CRYBB1: variants seen among roughly 807,000 people sequenced by gnomAD.
CRYBB1 encodes beta-crystallin B1.
Under a neutral mutation model 29.5 loss-of-function variants are expected in CRYBB1, and 16 were observed. The observed-to-expected ratio is 0.54, with a 90% CI of 0.37 to 0.82. CRYBB1 has a LOEUF of 0.82. CRYBB1 is among the 40% of genes least tolerant of loss of function. The pLI is 0.00. For synonymous variants in CRYBB1, 127 were observed against 136.7 expected (o/e 0.93, Z 0.49); for missense variants, 300 against 350.5 (o/e 0.86, Z 1.15).
At chr22:26,617,033 A>G (rs540753303) in intron 1 of CRYBB1, among the ~76,000 whole-genome samples, 117 of 152,342 alleles carry the variant, frequency 7.7e-4, no homozygotes, top group African/African-American at 2.7e-3. Flanking sequence ...GAATGAATGC[A>G]TGCTCCCAGC....
intron 1 of CRYBB1, among the ~76,000 whole-genome samples, chr22:26,616,662 T>G (rs1929366967): frequency 6.6e-6 from 1 of 152,222 alleles, no homozygotes; most frequent in East Asian, 1.9e-4. Context: ...GATTTGCTTG[T>G]GCAACTCCAA....
In CRYBB1 at chr22:26,601,931, A is replaced by G. The variant is rs1380242318; in HGVS notation, c.523T>C (p.Trp175Arg). Reference sequence around the variant, plus strand: ...ACGCGGTCACTGAAGCCGTAGACCCAGAGACTGGGTGCGTCGTCCCCCTGG... The same window carrying G: ...ACGCGGTCACTGAAGCCGTAGACCCGGAGACTGGGTGCGTCGTCCCCCTGG... ...EIQGDDAPSL[W>R]VYGFSDRVGS... The change falls in exon 5 of 6, where the codon TGG becomes CGG. Residue 175 changes from tryptophan (W) to arginine (R), a missense_variant. Coordinates refer to ENST00000647684, the MANE Select transcript of CRYBB1 (RefSeq NM_001887.4). The G allele has an allele frequency of 6.2e-7, 1 of 1,612,926 alleles. No homozygotes were observed. The highest frequency in any genetic ancestry group is 1.1e-5 in the South Asian group (1 of 91,028).
chr22:26,615,556 C>T (rs1319800547), intron 2 of CRYBB1, among the ~76,000 whole-genome samples: 2 of 151,906 alleles, frequency 1.3e-5, no homozygotes, highest in Non-Finnish European at 2.9e-5. Context: ...CTCTGTTGCC[C>T]AGGCTGGAGT....
intron 4 of CRYBB1, among the ~76,000 whole-genome samples, chr22:26,603,477 G>A (rs557090038): frequency 6.7e-6 from 1 of 150,266 alleles, no homozygotes; most frequent in Admixed American, 6.6e-5. Context: ...TTGCAGTGAG[G>A]CGAGATCACA....
At chr22:26,606,363 C>G (rs1376376883) in intron 4 of CRYBB1, among the ~76,000 whole-genome samples, 2 of 152,196 alleles carry the variant, frequency 1.3e-5, no homozygotes, top group African/African-American at 2.4e-5. Flanking sequence ...GCATTGTTGA[C>G]ATTCTTTAAA....
At chr22:26,611,090 C>A (rs1929142723) in intron 3 of CRYBB1, among the ~76,000 whole-genome samples, 1 of 152,094 alleles carries the variant, frequency 6.6e-6, no homozygotes, top group African/African-American at 2.4e-5. Context: ...GTCACTAAGG[C>A]CCAGAGACAC....
At chr22:26,607,813 C>G (rs1569205440) in intron 4 of CRYBB1, 76 bp downstream of exon 4, 4 of 1,604,790 alleles carry the variant, frequency 2.5e-6, no homozygotes, top group Non-Finnish European at 2.6e-6. Flanking sequence ...TCCTTCTTGC[C>G]CTTGTCAGAT....
At chr22:26,613,796 C>G (rs1178508013) in intron 2 of CRYBB1, among the ~76,000 whole-genome samples, 2 of 152,234 alleles carry the variant, frequency 1.3e-5, no homozygotes, top group African/African-American at 2.4e-5. Flanking sequence ...ACCTTAAACT[C>G]TGACCGCCAG....
intron 2 of CRYBB1, 105 bp downstream of exon 2, chr22:26,616,035 G>C: frequency 1.1e-6 from 1 of 889,728 alleles, no homozygotes; most frequent in Non-Finnish European, 1.9e-6. Context: ...AAAGAGGTGC[G>C]GAGGAGTAAG....
chr22:26,612,057 C>A lies in CRYBB1; in HGVS notation c.299+15G>T. ...CTGTGGCAGAGAGTGTGCCCCTCCG[C>A]CGCCCAGTACTCACGGTCCCGCGGA... On this transcript the variant is annotated intron_variant, in intron 3 of 5. Transcript: ENST00000647684. 1 of 1,588,916 alleles carries A rather than the reference C, an allele frequency of 6.3e-7. No individual in the cohort carries two copies. The highest frequency in any genetic ancestry group is 1.3e-5 in the African/African-American group (1 of 74,512).
intron 4 of CRYBB1, among the ~76,000 whole-genome samples, chr22:26,604,664 G>A (rs781445271): frequency 3.3e-5 from 5 of 152,202 alleles, no homozygotes; most frequent in Middle Eastern, 3.2e-3. Context: ...GCTGGGAGGT[G>A]GGAATGTGCA....
chr22:26,605,911 C>T (rs1022514424), intron 4 of CRYBB1, among the ~76,000 whole-genome samples: 20 of 152,114 alleles, frequency 1.3e-4, no homozygotes, highest in African/African-American at 3.9e-4. Flanking sequence ...AAGGGTTAGA[C>T]CAAGCTTATT....
At position 26,616,286 on chromosome 22, in the gene CRYBB1, T is replaced by TGGCCGA. The variant is rs753958562; in HGVS notation, c.28_33dup (p.Ser10_Ala11dup). ...TCAGGCCCTGGGTTCACCGCCACTGTGGCCGAGGCCGAGGCCTTTGCAGCC... is the reference window on the plus strand; with the variant it reads ...TCAGGCCCTGGGTTCACCGCCACTGTGGCCGAGGCCGAGGCCGAGGCCTTTGCAGCC... On this transcript the variant is annotated inframe_insertion, in exon 2 of 6. Coordinates refer to ENST00000647684, the MANE Select transcript of CRYBB1 (RefSeq NM_001887.4). 1 of 1,612,212 alleles carries TGGCCGA rather than the reference T, an allele frequency of 6.2e-7. No individual in the cohort carries two copies. The highest frequency in any genetic ancestry group is 1.3e-5 in the African/African-American group (1 of 74,944).
At chr22:26,617,883 C>G (rs1291871901) in intron 1 of CRYBB1, 94 bp downstream of exon 1, 1 of 153,460 alleles carries the variant, frequency 6.5e-6, no homozygotes, top group Non-Finnish European at 1.5e-5. Context: ...CTCTCTGACT[C>G]TCATGGCACT....
intron 3 of CRYBB1, among the ~76,000 whole-genome samples, chr22:26,608,789 T>C (rs1569205823): frequency 6.6e-6 from 1 of 152,172 alleles, no homozygotes; most frequent in Non-Finnish European, 1.5e-5. Flanking sequence ...ATTCGGGAGA[T>C]ACTCAGTAAC....
At chr22:26,616,487 C>T (rs898717612) in intron 1 of CRYBB1, 149 bp from the exon 2 acceptor site, 2 of 649,888 alleles carry the variant, frequency 3.1e-6, no homozygotes, top group East Asian at 5.4e-5. Context: ...TTCTTTCATC[C>T]CTACTTCCCA....
At chr22:26,603,569 T>C (rs1928888317) in intron 4 of CRYBB1, among the ~76,000 whole-genome samples, 1 of 151,204 alleles carries the variant, frequency 6.6e-6, no homozygotes, top group Non-Finnish European at 1.5e-5. Context: ...TATTGCTTCG[T>C]GGGATTGTCA....
At chr22:26,605,422 C>G in intron 4 of CRYBB1, among the ~76,000 whole-genome samples, 1 of 151,112 alleles carries the variant, frequency 6.6e-6, no homozygotes, top group Non-Finnish European at 1.5e-5. Flanking sequence ...GCCTGTAATC[C>G]CAGCACTTTG....
chr22:26,602,375 A>C (rs544201919), intron 4 of CRYBB1, among the ~76,000 whole-genome samples: 6 of 152,120 alleles, frequency 3.9e-5, no homozygotes, highest in Non-Finnish European at 8.8e-5. Context: ...CTTGAGGCCA[A>C]GGGTTCAAGA....
Sources: allele counts gnomAD v4.1 joint callset (sites outside exome capture counted in the v4.1 genomes callset), GRCh38; gene constraint gnomAD v4.1.1; transcripts MANE v1.5; gene names NCBI Gene and HGNC (gene_info 2026-07-23, HGNC 2026-07-21).